ZEB1: variants seen among roughly 807,000 people sequenced by gnomAD.
ZEB1 encodes zinc finger E-box binding homeobox 1.
In ZEB1, 21 loss-of-function variants were observed where a neutral mutation model predicts 84.9. That is an observed-to-expected ratio of 0.25 (90% CI 0.18 to 0.36). The LOEUF is 0.36. Among genes scored for constraint, ZEB1 ranks in the 10% least tolerant of loss-of-function variants. ZEB1 has a pLI of 1.00. For synonymous variants in ZEB1, 420 were observed against 471.1 expected (o/e 0.89, Z 1.41); for missense variants, 1,104 against 1,330.2 (o/e 0.83, Z 2.65).
At chr10:31,418,927 A>C (rs2055671935) in intron 1 of ZEB1, among the ~76,000 whole-genome samples, 1 of 152,092 alleles carries the variant, frequency 6.6e-6, no homozygotes, top group African/African-American at 2.4e-5. Flanking sequence ...GGGATGCTGA[A>C]CCAGTAAGTA....
chr10:31,434,170 TTGA>T (rs1181024633), intron 1 of ZEB1, among the ~76,000 whole-genome samples: 1 of 152,240 alleles, frequency 6.6e-6, no homozygotes, highest in Non-Finnish European at 1.5e-5. Flanking sequence ...ATTTTTGTTG[TTGA>T]TAAGTGGGCA....
chr10:31,490,257 A>T (rs11008509), intron 2 of ZEB1, among the ~76,000 whole-genome samples: 16,954 of 151,520 alleles, frequency 0.11, 2,585 homozygotes, highest in African/African-American at 0.34. Flanking sequence ...GGAAATTTTT[A>T]AACATTATTC....
chr10:31,519,501 G>A (rs2071850131), intron 6 of ZEB1, among the ~76,000 whole-genome samples: 1 of 152,096 alleles, frequency 6.6e-6, no homozygotes. Flanking sequence ...CACTAAAATT[G>A]AAACTCCAAG....
At chr10:31,391,340 A>C (rs2049676142) in intron 1 of ZEB1, among the ~76,000 whole-genome samples, 1 of 151,354 alleles carries the variant, frequency 6.6e-6, no homozygotes, top group South Asian at 2.1e-4. Flanking sequence ...CCTCCCCCAA[A>C]ACAGTCACCT....
chr10:31,520,647 T>C lies in ZEB1; in HGVS notation c.1315T>C (p.Ser439Pro). The change falls in exon 7 of 9, where the codon TCC becomes CCC. Residue 439 changes from serine (S) to proline (P), a missense_variant. By Grantham distance (74) the Ser-to-Pro change is moderately conservative (BLOSUM62 -1). Coordinates refer to ENST00000424869, the MANE Select transcript of ZEB1 (RefSeq NM_001174096.2). This position sits in a 1 kb window ranked among gnomAD's most constrained non-coding sequence, Gnocchi z 5.1. ...GGAGAATAATCAAGCCAATCTTGCA[T>C]CCAAAGAACAAGAAACAATCAATGC... Reference protein sequence around the residue: ...VLENNQANLASKEQETINASP... With the variant: ...VLENNQANLAPKEQETINASP... The C allele has an allele frequency of 6.2e-7, 1 of 1,613,992 alleles. No individual in the cohort carries two copies. The highest frequency in any genetic ancestry group is 8.5e-7 in the Non-Finnish European group (1 of 1,179,974).
Position 31,524,120 on chromosome 10 carries a change from C to G in ZEB1, c.2785+7C>G. ...CATAAATATGAACACACAGGTATGT[C>G]AGTGAACACAAACATAAAGTGTCCA... On this transcript the variant is annotated splice_region_variant and intron_variant, in intron 8 of 8. Coordinates refer to ENST00000424869, the MANE Select transcript of ZEB1 (RefSeq NM_001174096.2). 6.2e-7 allele frequency: 1 copy of G among 1,612,284 alleles called. No individual in the cohort carries two copies. Among genetic ancestry groups the G allele is most frequent in the Non-Finnish European group, 8.5e-7 (1 of 1,179,084 alleles).
intron 2 of ZEB1, among the ~76,000 whole-genome samples, chr10:31,485,144 G>C (rs1043798189): frequency 2.0e-5 from 3 of 151,884 alleles, no homozygotes; most frequent in African/African-American, 4.8e-5. Flanking sequence ...GAATTAATTT[G>C]AGGTGAAAAT....
At chr10:31,327,318 C>A (rs2035775297) in intron 1 of ZEB1, among the ~76,000 whole-genome samples, 1 of 151,922 alleles carries the variant, frequency 6.6e-6, no homozygotes, top group Admixed American at 6.6e-5. Context: ...GCCATGTTAG[C>A]CAGGCTGGTC....
At position 31,409,937 on chromosome 10, in the gene ZEB1, C is replaced by T. The variant is rs140108884; in HGVS notation, c.59-51100C>T. ...GAGACAATGAGGTTTTCTAAATATG[C>T]AATCATGTCATCTGCAAACAGAGAC... On this transcript the variant is annotated intron_variant, in intron 1 of 8. Coordinates refer to ENST00000424869, the MANE Select transcript of ZEB1 (RefSeq NM_001174096.2). Among the ~76,000 whole-genome samples the T allele has an allele frequency of 9.1e-3, 1,389 of 152,294 alleles. 13 individuals carry two copies. The highest frequency in any genetic ancestry group is 0.031 in the African/African-American group (1,299 of 41,544).
Position 31,520,982 on chromosome 10 carries a change from C to T in ZEB1, c.1650C>T (p.His550=). The T allele has an allele frequency of 6.2e-7, 1 of 1,614,088 alleles. No homozygotes were observed. The highest frequency in any genetic ancestry group is 1.1e-5 in the South Asian group (1 of 91,084). Residue 550 remains histidine (H), a synonymous_variant, in exon 7 of 9, where the codon CAC becomes CAT. Transcript: ENST00000424869. This position sits in a 1 kb window ranked among gnomAD's most constrained non-coding sequence, Gnocchi z 5.1. ...TTAATGCACTTCCAGAATTAAAGCA[C>T]TATGACCTAAAGCAGCCTACTCAGC... ...GDINALPELK[H]YDLKQPTQPP... is the part of the protein sequence containing the mutation.
chr10:31,483,981 A>G (rs1472575678), intron 2 of ZEB1, among the ~76,000 whole-genome samples: 1 of 152,002 alleles, frequency 6.6e-6, no homozygotes, highest in African/African-American at 2.4e-5. Flanking sequence ...TGATCATACA[A>G]GGACCCCATT....
At chr10:31,443,398 G>C (rs547525820) in intron 1 of ZEB1, among the ~76,000 whole-genome samples, 144 of 150,016 alleles carry the variant, frequency 9.6e-4, no homozygotes, top group African/African-American at 2.7e-3. Context: ...AAAAGGATTT[G>C]CCTATATTTT....
At chr10:31,327,855 T>C (rs2035923285) in intron 1 of ZEB1, among the ~76,000 whole-genome samples, 1 of 152,250 alleles carries the variant, frequency 6.6e-6, no homozygotes, top group Non-Finnish European at 1.5e-5. Flanking sequence ...TTTCAGTTGC[T>C]AAATATAATC....
At chr10:31,472,437 C>G (rs931589367) in intron 2 of ZEB1, among the ~76,000 whole-genome samples, 32 of 152,132 alleles carry the variant, frequency 2.1e-4, no homozygotes, top group South Asian at 4.1e-4. Flanking sequence ...TACCTCTATG[C>G]AAATAAAGTA....
intron 1 of ZEB1, chr10:31,362,909 G>A (rs769201685): frequency 1.9e-5 from 27 of 1,443,466 alleles, no homozygotes; most frequent in African/African-American, 2.8e-5. Flanking sequence ...ATGTTCTTAC[G>A]CATGTTGCCA....
intron 2 of ZEB1, among the ~76,000 whole-genome samples, chr10:31,492,275 G>T (rs1235504414): frequency 4.0e-5 from 6 of 151,834 alleles, no homozygotes; most frequent in Non-Finnish European, 7.4e-5. Context: ...AAGGACCCAT[G>T]TAATCGTTTC....
intron 1 of ZEB1, among the ~76,000 whole-genome samples, chr10:31,443,412 C>CTT (rs370787584): frequency 7.0e-5 from 10 of 143,066 alleles, no homozygotes; most frequent in African/African-American, 1.5e-4. Flanking sequence ...ATATTTTCTT[C>CTT]TTTTTTTTTT....
intron 1 of ZEB1, among the ~76,000 whole-genome samples, chr10:31,371,205 A>G (rs1411619809): frequency 1.3e-5 from 2 of 152,110 alleles, no homozygotes; most frequent in African/African-American, 4.8e-5. Context: ...GTAATCTGAT[A>G]GTGACTTTTC....
At chr10:31,416,390 C>T (rs944616756) in intron 1 of ZEB1, among the ~76,000 whole-genome samples, 3 of 151,986 alleles carry the variant, frequency 2.0e-5, no homozygotes, top group Admixed American at 2.0e-4. Flanking sequence ...TATTTCTTAC[C>T]CTCAGATGAT....
Sources: allele counts gnomAD v4.1 joint callset (sites outside exome capture counted in the v4.1 genomes callset), GRCh38; gene constraint gnomAD v4.1.1; non-coding constraint Gnocchi (gnomAD v3.1); transcripts MANE v1.5; gene names NCBI Gene and HGNC (gene_info 2026-07-23, HGNC 2026-07-21).